The following STT3B variants were observed in gnomAD, a reference collection of about 807,000 sequenced individuals.
STT3B encodes STT3 oligosaccharyltransferase complex catalytic subunit B, also known as dolichyl-diphosphooligosaccharide--protein glycosyltransferase subunit STT3B.
A neutral mutation model predicts 96.8 loss-of-function variants in STT3B; 29 were observed. That is an observed-to-expected ratio of 0.30 (90% CI 0.22 to 0.41). The LOEUF is 0.41. Among genes scored for constraint, STT3B ranks in the 10% least tolerant of loss-of-function variants. The pLI, the probability that STT3B is intolerant of heterozygous loss-of-function variation, is 1.00. For synonymous variants in STT3B, 367 were observed against 360.0 expected (o/e 1.02, Z -0.22); for missense variants, 640 against 1,022.3 (o/e 0.63, Z 5.10).
At chr3:31,610,779 T>C (rs1426803436) in intron 5 of STT3B, among the ~76,000 whole-genome samples, 1 of 152,210 alleles carries the variant, frequency 6.6e-6, no homozygotes, top group Non-Finnish European at 1.5e-5. Flanking sequence ...AACAGAATAA[T>C]AATATATGTG....
chr3:31,592,947 A>G (rs1173293827), intron 3 of STT3B, among the ~76,000 whole-genome samples: 1 of 152,184 alleles, frequency 6.6e-6, no homozygotes, highest in African/African-American at 2.4e-5. Context: ...CCAAAGTGCA[A>G]AGGTGATCAC....
At chr3:31,550,991 T>C (rs1697540815) in intron 1 of STT3B, among the ~76,000 whole-genome samples, 2 of 152,188 alleles carry the variant, frequency 1.3e-5, no homozygotes, top group African/African-American at 4.8e-5. Flanking sequence ...ATATATGAAG[T>C]GTTGCAAATA....
At chr3:31,591,022 C>G (rs1698651945) in intron 3 of STT3B, among the ~76,000 whole-genome samples, 1 of 152,042 alleles carries the variant, frequency 6.6e-6, no homozygotes, top group Non-Finnish European at 1.5e-5. Flanking sequence ...TCCAAATCTT[C>G]TATATGCTCA....
At chr3:31,614,354 T>C (rs939023563) in intron 5 of STT3B, among the ~76,000 whole-genome samples, 2 of 151,994 alleles carry the variant, frequency 1.3e-5, no homozygotes, top group African/African-American at 4.8e-5. Context: ...CTCTAATCAA[T>C]TGCGTAACAG....
At chr3:31,558,490 A>G (rs1010668535) in intron 1 of STT3B, among the ~76,000 whole-genome samples, 3 of 152,204 alleles carry the variant, frequency 2.0e-5, no homozygotes, top group Admixed American at 2.0e-4. Context: ...GATGTATCAT[A>G]TTTATTGATT....
At chr3:31,614,642 A>G (rs1699263639) in intron 5 of STT3B, among the ~76,000 whole-genome samples, 1 of 151,940 alleles carries the variant, frequency 6.6e-6, no homozygotes, top group African/African-American at 2.4e-5. Flanking sequence ...TGGGATAATA[A>G]AAAGGTATGA....
At chr3:31,592,736 T>C (rs940487973) in intron 3 of STT3B, among the ~76,000 whole-genome samples, 3 of 152,202 alleles carry the variant, frequency 2.0e-5, no homozygotes, top group African/African-American at 4.8e-5. Context: ...GGCCTACACC[T>C]TCTCCAGGGT....
intron 1 of STT3B, among the ~76,000 whole-genome samples, chr3:31,546,696 C>T (rs1478888390): frequency 6.6e-6 from 1 of 152,200 alleles, no homozygotes. Context: ...GTTCATGTCT[C>T]TCCCAAAGTT....
intron 2 of STT3B, 72 bp from the exon 3 acceptor site, chr3:31,579,736 TG>T (rs1698342320): frequency 7.6e-6 from 9 of 1,177,904 alleles, no homozygotes; most frequent in Non-Finnish European, 1.1e-5. Flanking sequence ...AATGTAATGA[TG>T]AAGAGTACAT....
chr3:31,576,600 T>A, intron 2 of STT3B, 96 bp downstream of exon 2: 1 of 693,544 alleles, frequency 1.4e-6, no homozygotes, highest in Middle Eastern at 3.0e-4. Context: ...TTGAAAGCTT[T>A]GTATAGTTAA....
chr3:31,598,679 G>A (rs983373136), intron 4 of STT3B, among the ~76,000 whole-genome samples: 1 of 152,100 alleles, frequency 6.6e-6, no homozygotes, highest in African/African-American at 2.4e-5. Flanking sequence ...GCTTTTCTTT[G>A]TTCTTAAGTG....
intron 1 of STT3B, among the ~76,000 whole-genome samples, chr3:31,564,505 A>G (rs1369700421): frequency 6.6e-6 from 1 of 152,238 alleles, no homozygotes; most frequent in African/African-American, 2.4e-5. Flanking sequence ...AGGGAATGAC[A>G]ATAATATACA....
At chr3:31,635,592 T>C (rs1454319519) in intron 15 of STT3B, among the ~76,000 whole-genome samples, 1 of 152,196 alleles carries the variant, frequency 6.6e-6, no homozygotes, top group Admixed American at 6.5e-5. Flanking sequence ...TTAACGTGTT[T>C]TTCTGGCACA....
intron 5 of STT3B, among the ~76,000 whole-genome samples, chr3:31,612,072 G>A (rs1699193946): frequency 6.6e-6 from 1 of 152,102 alleles, no homozygotes; most frequent in African/African-American, 2.4e-5. Context: ...AAAACTTTCT[G>A]AGCACCAATA....
Position 31,636,147 on chromosome 3 carries a change from C to T in STT3B, c.*83C>T, listed in dbSNP as rs1699751214. 2.8e-6 allele frequency: 3 copies of T among 1,079,098 alleles called. No individual in the cohort carries two copies. The highest frequency in any genetic ancestry group is 4.0e-6 in the Non-Finnish European group (3 of 748,568). 66.8% of individuals were successfully genotyped at this position (1,079,098 alleles called of 1,614,324 possible). ...CTTTAGCTCATGTCGTGTTTCACAG[C>T]AAAGAGGGTACAGAACCATCACTGG... On this transcript the variant is annotated 3_prime_UTR_variant, in exon 16 of 16. Coordinates refer to ENST00000295770, the MANE Select transcript of STT3B (RefSeq NM_178862.3).
chr3:31,608,777 G>T (rs939774236), intron 5 of STT3B, among the ~76,000 whole-genome samples: 4 of 152,194 alleles, frequency 2.6e-5, no homozygotes, highest in African/African-American at 9.6e-5. Flanking sequence ...CATGGTATCA[G>T]TTAAATGAAT....
intron 1 of STT3B, among the ~76,000 whole-genome samples, chr3:31,541,745 T>A (rs1444700545): frequency 1.3e-5 from 2 of 151,916 alleles, no homozygotes; most frequent in Non-Finnish European, 2.9e-5. Context: ...CCCGGCTAAT[T>A]TTTTGTGTTT....
intron 1 of STT3B, among the ~76,000 whole-genome samples, chr3:31,570,037 A>C (rs945896295): frequency 3.9e-5 from 6 of 152,166 alleles, no homozygotes; most frequent in Non-Finnish European, 5.9e-5. Flanking sequence ...CCATGAATAC[A>C]TCACTCAGCT....
intron 1 of STT3B, among the ~76,000 whole-genome samples, chr3:31,550,900 A>T (rs1252061558): frequency 6.6e-6 from 1 of 152,042 alleles, no homozygotes; most frequent in Non-Finnish European, 1.5e-5. Context: ...AGGTAGATTG[A>T]AATGCCAACT....
Sources: allele counts gnomAD v4.1 joint callset (sites outside exome capture counted in the v4.1 genomes callset), GRCh38; gene constraint gnomAD v4.1.1; transcripts MANE v1.5; gene names NCBI Gene and HGNC (gene_info 2026-07-23, HGNC 2026-07-21).